Variants in ANKRD12 observed in about 807,000 individuals in gnomAD.
ANKRD12 encodes ankyrin repeat domain-containing protein 12.
ANKRD12 carries 85 observed loss-of-function variants against 183.4 expected under a neutral mutation model. That is an observed-to-expected ratio of 0.46 (90% CI 0.39 to 0.56). ANKRD12 has a LOEUF of 0.56. ANKRD12 is among the 20% of genes least tolerant of loss of function. The pLI is 0.00. For missense variants in ANKRD12, 2,405 were observed against 2,357.1 expected (o/e 1.02, Z -0.42); for synonymous variants, 914 against 800.2 (o/e 1.14, Z -2.40).
chr18:9,154,594 G>A (rs1192953692), intron 1 of ANKRD12, among the ~76,000 whole-genome samples: 1 of 152,180 alleles, frequency 6.6e-6, no homozygotes, highest in Non-Finnish European at 1.5e-5. Context: ...GCTACTGCCT[G>A]TAGAAGATGG....
At chr18:9,167,263 G>A (rs1376521430) in intron 1 of ANKRD12, among the ~76,000 whole-genome samples, 1 of 152,158 alleles carries the variant, frequency 6.6e-6, no homozygotes, top group Non-Finnish European at 1.5e-5. Flanking sequence ...GAAAGTCATT[G>A]GTAGCTTGAT....
chr18:9,269,077 C>T lies in ANKRD12; in HGVS notation c.5763+5189C>T, dbSNP rs547773843. Reference sequence around the variant, plus strand: ...CCAACTTACAAGGGATGTGAAGGACCTCTTCAAGGAGAACTACAAACCACT... The same window carrying T: ...CCAACTTACAAGGGATGTGAAGGACTTCTTCAAGGAGAACTACAAACCACT... On this transcript the variant is annotated intron_variant, in intron 10 of 12. Coordinates refer to ENST00000262126, the MANE Select transcript of ANKRD12 (RefSeq NM_015208.5). Among the ~76,000 whole-genome samples the T allele has an allele frequency of 4.2e-3, 643 of 152,184 alleles. 5 individuals carry two copies. The highest frequency in any genetic ancestry group is 0.015 in the African/African-American group (604 of 41,522).
At position 9,276,495 on chromosome 18, in the gene ANKRD12, C is replaced by T. The variant is rs78761941; in HGVS notation, c.5907+828C>T. Among the ~76,000 whole-genome samples the T allele has an allele frequency of 1.1e-3, 169 of 152,208 alleles. 1 individual carries two copies. In the East Asian group the frequency reaches 0.028, roughly 25 times the overall value. On this transcript the variant is annotated intron_variant, in intron 11 of 12. Coordinates refer to ENST00000262126, the MANE Select transcript of ANKRD12 (RefSeq NM_015208.5). ...TTTGGGAGGCCAAAGTGGGCAATCA[C>T]TTGAGCTCAGGAGTTCAAGACCAGC...
At position 9,195,650 on chromosome 18, in the gene ANKRD12, C is replaced by A. The variant is rs759402316; in HGVS notation, c.187C>A (p.Pro63Thr). 3 of 1,612,540 alleles carry A rather than the reference C, an allele frequency of 1.9e-6. No homozygotes were observed. Among genetic ancestry groups the A allele is most frequent in the Non-Finnish European group, 2.5e-6 (3 of 1,179,262 alleles). Residue 63 changes from proline to threonine, a missense_variant, in exon 3 of 13, where the codon CCT (proline) becomes ACT (threonine). By Grantham distance (38) the Pro-to-Thr change is conservative. This residue lies in a region of ANKRD12 where 145 missense variants were observed against 145.6 expected (regional missense o/e 1.00). Transcript: ENST00000262126. ...GAAATCATCCATGAAACGTAAACTT[C>A]CTTTTACTATTAGCCCATCAAGAAA... The part of the protein sequence containing the change: ...KEKSSMKRKL[P>T]FTISPSRNEE...
rs185076141 is a variant in ANKRD12 at position 9,149,249 on chromosome 18, G to A, written c.-52+12284G>A. The stretch of plus-strand genomic sequence containing the variant: ...TTTGTTCATCTTAGTTCCATTATGT[G>A]ACATGTAAGTGTTTAATAAATGCTA... On this transcript the variant is annotated intron_variant, in intron 1 of 12. Transcript: ENST00000262126. 2.6e-5 allele frequency among the ~76,000 whole-genome samples: 4 copies of A among 152,278 alleles called. No homozygotes were observed. In the East Asian group the frequency reaches 7.7e-4, roughly 29 times the overall value.
chr18:9,155,841 G>A (rs892760979), intron 1 of ANKRD12, among the ~76,000 whole-genome samples: 1 of 151,782 alleles, frequency 6.6e-6, no homozygotes, highest in Non-Finnish European at 1.5e-5. Flanking sequence ...GTTTTCACTT[G>A]TTTTCTGATT....
intron 8 of ANKRD12, among the ~76,000 whole-genome samples, chr18:9,252,793 G>A (rs1329035988): frequency 1.3e-5 from 2 of 152,026 alleles, no homozygotes; most frequent in African/African-American, 4.8e-5. Flanking sequence ...GTGAAACTCC[G>A]TTTCTACCAA....
At chr18:9,239,637 G>A in intron 8 of ANKRD12, 1 of 569,346 alleles carries the variant, frequency 1.8e-6, no homozygotes, top group Non-Finnish European at 2.8e-6. Context: ...TTTACATGAG[G>A]TCCTTGTTAG....
chr18:9,255,995 A>T lies in ANKRD12; in HGVS notation c.2728A>T (p.Lys910Ter). The change falls in exon 9 of 13, where the codon AAA becomes TAA. Residue 910 changes from lysine (K) to a stop codon, truncating the protein, a stop_gained. Transcript: ENST00000262126. LOFTEE classifies it high-confidence loss of function. ...REKSREKMDR[K>*]HDKEKPEKER... ...GAAAAGTAGAGAAAAGATGGATAGGAAACATGACAAAGAAAAGCCTGAAAA... is the reference window on the plus strand; with the variant it reads ...GAAAAGTAGAGAAAAGATGGATAGGTAACATGACAAAGAAAAGCCTGAAAA... The T allele has an allele frequency of 6.4e-7, 1 of 1,566,042 alleles. No homozygotes were observed. The highest frequency in any genetic ancestry group is 1.4e-5 in the African/African-American group (1 of 72,118).
At chr18:9,262,569 C>T (rs956678479) in intron 9 of ANKRD12, among the ~76,000 whole-genome samples, 1 of 152,098 alleles carries the variant, frequency 6.6e-6, no homozygotes, top group East Asian at 1.9e-4. Context: ...AAGCTATCCT[C>T]CCATCTCAGC....
intron 8 of ANKRD12, among the ~76,000 whole-genome samples, chr18:9,231,053 A>G (rs1377995632): frequency 2.0e-5 from 3 of 151,630 alleles, no homozygotes; most frequent in Non-Finnish European, 4.4e-5. Flanking sequence ...ATATTGTTTA[A>G]TTTTTGTGTA....
chr18:9,142,688 CCTGA>C (rs1215651641), intron 1 of ANKRD12, among the ~76,000 whole-genome samples: 3 of 152,058 alleles, frequency 2.0e-5, no homozygotes, highest in South Asian at 2.1e-4. Flanking sequence ...TTGAGACCAG[CCTGA>C]CTAACATGGT....
rs752024996 is a variant in ANKRD12 at position 9,237,537 on chromosome 18, C to T, written c.943+15538C>T. Reference sequence around the variant, plus strand: ...TTGATTAAATCAATGTATAGCCTCACCATAAACTATTGCACAGCCATGGAA... The same window carrying T: ...TTGATTAAATCAATGTATAGCCTCATCATAAACTATTGCACAGCCATGGAA... On this transcript the variant is annotated intron_variant, in intron 8 of 12. Coordinates refer to ENST00000262126, the MANE Select transcript of ANKRD12 (RefSeq NM_015208.5). 2.2e-4 allele frequency among the ~76,000 whole-genome samples: 33 copies of T among 152,280 alleles called. 1 individual carries two copies. Among genetic ancestry groups the T allele is most frequent in the Middle Eastern group, 6.8e-3 (2 of 294 alleles).
chr18:9,264,692 A>G (rs8086519), intron 10 of ANKRD12, among the ~76,000 whole-genome samples: 3,782 of 152,318 alleles, frequency 0.025, 91 homozygotes, highest in African/African-American at 0.065. Flanking sequence ...ACACTGCATG[A>G]CCCATTGACA....
At chr18:9,211,449 G>T (rs2035799368) in intron 5 of ANKRD12, 135 bp from the exon 6 acceptor site, 13 of 734,746 alleles carry the variant, frequency 1.8e-5, no homozygotes, top group Non-Finnish European at 2.9e-5. Flanking sequence ...GATCATCCAA[G>T]TCAAGGTTTA....
At chr18:9,147,419 T>G (rs2078528141) in intron 1 of ANKRD12, among the ~76,000 whole-genome samples, 1 of 151,914 alleles carries the variant, frequency 6.6e-6, no homozygotes, top group African/African-American at 2.4e-5. Context: ...CTATCTTTTG[T>G]GGGGGGCTGC....
chr18:9,169,381 T>C (rs2032443859), intron 1 of ANKRD12, among the ~76,000 whole-genome samples: 1 of 152,244 alleles, frequency 6.6e-6, no homozygotes, highest in Admixed American at 6.5e-5. Flanking sequence ...ACTTGCTTTA[T>C]GAATCTGGGT....
At position 9,255,488 on chromosome 18, in the gene ANKRD12, GT is replaced by G; in HGVS notation, c.2222del (p.Val741GlyfsTer27). On this transcript the variant is annotated frameshift_variant, in exon 9 of 13. Transcript: ENST00000262126. LOFTEE classifies it high-confidence loss of function. ...TGATAAATCAACCAAGGAAAAGCATGTGTCAAAAGAGAGGAACTTTAAAGAG... is the reference window on the plus strand; with the variant it reads ...TGATAAATCAACCAAGGAAAAGCATGGTCAAAAGAGAGGAACTTTAAAGAG... ...KDDKSTKEKH[V>X]SKERNFKEER... 6.4e-7 allele frequency: 1 copy of G among 1,566,102 alleles called. No homozygotes were observed. The highest frequency in any genetic ancestry group is 8.6e-7 in the Non-Finnish European group (1 of 1,165,416).
At chr18:9,183,922 T>C (rs2033872923) in intron 2 of ANKRD12, among the ~76,000 whole-genome samples, 1 of 152,184 alleles carries the variant, frequency 6.6e-6, no homozygotes. Context: ...TATTTTTCAG[T>C]GTACAATTTT....
Sources: gnomAD v4.1 joint callset for allele counts (sites outside exome capture counted in the v4.1 genomes callset) on GRCh38, gnomAD v4.1.1 for gene constraint, gnomAD v4.1.1 regional missense constraint, MANE v1.5 for transcripts, NCBI Gene and HGNC (gene_info 2026-07-23, HGNC 2026-07-21) for gene names.